Variants in ADGB observed in about 807,000 individuals in gnomAD.
The protein encoded by ADGB is calpain-7-like protein.
Under a neutral mutation model 210.5 loss-of-function variants are expected in ADGB, and 172 were observed. That is an observed-to-expected ratio of 0.82 (90% CI 0.72 to 0.93). ADGB has a LOEUF of 0.93. Ranked by LOEUF, ADGB falls within the 40% of genes least tolerant of loss-of-function variation. ADGB has a pLI of 0.00. For missense variants in ADGB, 2,025 were observed against 1,964.8 expected (o/e 1.03, Z -0.58); for synonymous variants, 658 against 662.7 (o/e 0.99, Z 0.11).
chr6:146,783,974 G>A (rs1777837223), intron 30 of ADGB, among the ~76,000 whole-genome samples: 1 of 152,140 alleles, frequency 6.6e-6, no homozygotes, highest in Non-Finnish European at 1.5e-5. Context: ...GAGATGCTAT[G>A]AGTGAACATA....
chr6:146,681,253 T>G (rs1776153281), intron 9 of ADGB, among the ~76,000 whole-genome samples: 1 of 152,026 alleles, frequency 6.6e-6, no homozygotes, highest in African/African-American at 2.4e-5. Flanking sequence ...TCTGGTCGTT[T>G]AAAACTGTGT....
chr6:146,608,702 G>C (rs911378915), intron 1 of ADGB, among the ~76,000 whole-genome samples: 1 of 152,006 alleles, frequency 6.6e-6, no homozygotes, highest in Non-Finnish European at 1.5e-5. Context: ...TCTTGGTTTT[G>C]AATACTCCTT....
chr6:146,686,978 TG>T (rs554465554), intron 10 of ADGB, among the ~76,000 whole-genome samples: 3 of 152,116 alleles, frequency 2.0e-5, no homozygotes, highest in Non-Finnish European at 4.4e-5. Flanking sequence ...AGATTATGCC[TG>T]GGGGGCACGT....
rs867852185 is a variant in ADGB at position 146,655,911 on chromosome 6, A to C, written c.403-860A>C. Among the ~76,000 whole-genome samples the C allele has an allele frequency of 3.3e-5, 5 of 152,238 alleles. No homozygotes were observed. In the South Asian group the frequency reaches 1.0e-3, roughly 32 times the overall value. Reference sequence around the variant, plus strand: ...TCAATATTAAATATTTAATTTCCTTATAAACCAGGCAGTTAAACATGAGAT... The same window carrying C: ...TCAATATTAAATATTTAATTTCCTTCTAAACCAGGCAGTTAAACATGAGAT... On this transcript the variant is annotated intron_variant, in intron 4 of 35. Transcript: ENST00000397944.
At chr6:146,599,704 C>T (rs1447346167) in intron 1 of ADGB, among the ~76,000 whole-genome samples, 1 of 152,068 alleles carries the variant, frequency 6.6e-6, no homozygotes, top group African/African-American at 2.4e-5. Flanking sequence ...TTTTATGGTG[C>T]CTTTGTCCTG....
intron 1 of ADGB, among the ~76,000 whole-genome samples, chr6:146,606,933 G>A (rs1170907334): frequency 6.6e-6 from 1 of 151,990 alleles, no homozygotes; most frequent in African/African-American, 2.4e-5. Flanking sequence ...CCAATTCTGT[G>A]TAAAACGACA....
chr6:146,785,765 A>G, intron 32 of ADGB, 53 bp downstream of exon 32: 1 of 1,293,840 alleles, frequency 7.7e-7, no homozygotes, highest in Non-Finnish European at 1.1e-6. Flanking sequence ...TGTGATTTGC[A>G]CTTCTTAAAA....
chr6:146,654,343 C>A, intron 4 of ADGB, 137 bp downstream of exon 4: 1 of 376,528 alleles, frequency 2.7e-6, no homozygotes, highest in Non-Finnish European at 4.9e-6. Flanking sequence ...TATATAATAC[C>A]AAAAAATATA....
chr6:146,810,033 G>T (rs939961051), intron 35 of ADGB, among the ~76,000 whole-genome samples: 1 of 151,802 alleles, frequency 6.6e-6, no homozygotes, highest in African/African-American at 2.4e-5. Context: ...TAGAATGGGA[G>T]AAAATACTTG....
intron 28 of ADGB, among the ~76,000 whole-genome samples, chr6:146,765,046 G>T (rs374676296): frequency 2.6e-5 from 4 of 152,064 alleles, no homozygotes; most frequent in African/African-American, 9.7e-5. Flanking sequence ...TGATCCACCT[G>T]CCGTGGCCTC....
chr6:146,748,075 C>T (rs1023097837), intron 26 of ADGB, among the ~76,000 whole-genome samples: 43 of 151,764 alleles, frequency 2.8e-4, no homozygotes, highest in Admixed American at 5.3e-4. Context: ...TGAGCAACTG[C>T]GCCCAGCCCA....
chr6:146,642,901 C>T (rs1040760228), intron 2 of ADGB, among the ~76,000 whole-genome samples: 1 of 151,462 alleles, frequency 6.6e-6, no homozygotes, highest in Non-Finnish European at 1.5e-5. Flanking sequence ...TATGTACCCC[C>T]AATTATAAAA....
Position 146,803,813 on chromosome 6 carries a change from C to A in ADGB, c.4818+1802C>A, listed in dbSNP as rs575647610. The A allele has an allele frequency of 7.4e-5, 37 of 498,324 alleles. No individual in the cohort carries two copies. The Admixed American group carries it at 8.9e-4, about 12-fold the overall frequency. 30.9% of individuals were successfully genotyped at this position (498,324 alleles called of 1,614,324 possible). On this transcript the variant is annotated intron_variant, in intron 35 of 35. Transcript: ENST00000397944. ...CTAGAGCGTCCCTCGGCTTCTGGGCCGAGTCCCACTCAGGGCCATTCAAAC... is the reference window on the plus strand; with the variant it reads ...CTAGAGCGTCCCTCGGCTTCTGGGCAGAGTCCCACTCAGGGCCATTCAAAC...
intron 7 of ADGB, among the ~76,000 whole-genome samples, chr6:146,671,747 C>G (rs7748556): frequency 0.027 from 4,078 of 152,172 alleles, 151 homozygotes; most frequent in African/African-American, 0.091. Flanking sequence ...CAAGTAATTT[C>G]TATGACAACA....
intron 7 of ADGB, among the ~76,000 whole-genome samples, chr6:146,669,386 ACT>A (rs1404484283): frequency 6.6e-6 from 1 of 151,996 alleles, no homozygotes; most frequent in Non-Finnish European, 1.5e-5. Flanking sequence ...GTTTGTACAC[ACT>A]GTCTTCATCT....
chr6:146,752,699 G>C lies in ADGB; in HGVS notation c.3535G>C (p.Gly1179Arg). The C allele has an allele frequency of 6.5e-7, 1 of 1,549,574 alleles. No individual in the cohort carries two copies. Among genetic ancestry groups the C allele is most frequent in the Non-Finnish European group, 8.7e-7 (1 of 1,145,896 alleles). The change falls in exon 27 of 36, where the codon GGT becomes CGT. Residue 1179 changes from glycine to arginine, a missense_variant. By Grantham distance (125) the Gly-to-Arg change is moderately radical. Coordinates refer to ENST00000397944, the MANE Select transcript of ADGB (RefSeq NM_024694.4). ...PAFHFLKSEK[G>R]LSSQSSKHIL... ...ATTTCACTTCTTGAAGAGTGAGAAA[G>C]GTTTGAGCTCCCAGTGTAAGTGTAC...
At chr6:146,684,178 T>C (rs149327891) in intron 9 of ADGB, among the ~76,000 whole-genome samples, 1 of 152,198 alleles carries the variant, frequency 6.6e-6, no homozygotes, top group East Asian at 1.9e-4. Flanking sequence ...CTTCATACTT[T>C]CCTAAGGTGT....
chr6:146,733,272 T>C lies in ADGB; in HGVS notation c.2656+17T>C, dbSNP rs1481091756. 2.1e-6 allele frequency: 3 copies of C among 1,438,518 alleles called. No homozygotes were observed. Among genetic ancestry groups the C allele is most frequent in the African/African-American group, 2.0e-5 (1 of 49,702 alleles). 89.1% of individuals were successfully genotyped at this position (1,438,518 alleles called of 1,614,324 possible). A position where few individuals can be genotyped will look rare whatever the true frequency, so the allele number is the denominator to read the frequency against. ...TTTCTTTAGGTACCCATGAATTGTA[T>C]ATATTTAATCAAGGAATTCCTAGTT... On this transcript the variant is annotated intron_variant, in intron 21 of 35. Coordinates refer to ENST00000397944, the MANE Select transcript of ADGB (RefSeq NM_024694.4).
chr6:146,726,815 T>C (rs527820690), intron 19 of ADGB, among the ~76,000 whole-genome samples: 47 of 152,312 alleles, frequency 3.1e-4, no homozygotes, highest in African/African-American at 1.1e-3. Flanking sequence ...GGTATAAATA[T>C]CAGTGCAGTC....
Sources: allele counts gnomAD v4.1 joint callset (sites outside exome capture counted in the v4.1 genomes callset), GRCh38; gene constraint gnomAD v4.1.1; transcripts MANE v1.5; gene names NCBI Gene and HGNC (gene_info 2026-07-23, HGNC 2026-07-21).